The following HLCS variants were observed in gnomAD, a reference collection of about 807,000 sequenced individuals.
HLCS encodes holocarboxylase synthetase, also known as biotin--protein ligase.
HLCS carries 53 observed loss-of-function variants against 75.0 expected under a neutral mutation model. That is an observed-to-expected ratio of 0.71 (90% confidence interval 0.57 to 0.89). The LOEUF (loss-of-function observed/expected upper bound fraction) is 0.89. Ranked by LOEUF, HLCS falls within the 40% of genes least tolerant of loss-of-function variation. HLCS has a pLI of 0.00. For missense variants in HLCS, 966 were observed against 1,074.0 expected (o/e 0.90, Z 1.41); for synonymous variants, 431 against 428.6 (o/e 1.01, Z -0.07).
chr21:36,765,787 A>T (rs2090009535), intron 7 of HLCS, among the ~76,000 whole-genome samples: 1 of 152,112 alleles, frequency 6.6e-6, no homozygotes, highest in African/African-American at 2.4e-5. Flanking sequence ...AACTGGGATT[A>T]AGGTGCCCGC....
At chr21:36,814,025 C>A (rs138198564) in intron 6 of HLCS, among the ~76,000 whole-genome samples, 2,461 of 152,232 alleles carry the variant, frequency 0.016, 33 homozygotes, top group South Asian at 0.046. Context: ...GCCCCCAGTG[C>A]TAGGTCAGTG....
At chr21:36,773,654 T>A (rs1210723453) in intron 6 of HLCS, among the ~76,000 whole-genome samples, 1 of 152,112 alleles carries the variant, frequency 6.6e-6, no homozygotes, top group Non-Finnish European at 1.5e-5. Context: ...TGTTCTTAGC[T>A]TACAGAGAGA....
intron 6 of HLCS, among the ~76,000 whole-genome samples, chr21:36,849,635 G>A (rs539958765): frequency 2.0e-5 from 3 of 152,314 alleles, no homozygotes; most frequent in African/African-American, 4.8e-5. Context: ...GCCAAGTACC[G>A]GGCAGTATCC....
In HLCS at chr21:36,752,341, C is replaced by A. The variant is rs142955652; in HGVS notation, c.*1905G>T. The stretch of plus-strand genomic sequence containing the variant: ...AACATTTTTTCCCAAAGCAGAGTGT[C>A]CAGAATAGGACTTCAGCTTAAAACA... On this transcript the variant is annotated 3_prime_UTR_variant, in exon 11 of 11. Coordinates refer to ENST00000674895, the MANE Select transcript of HLCS (RefSeq NM_001352514.2). 50 of 152,692 alleles carry A rather than the reference C, an allele frequency of 3.3e-4. No individual in the cohort carries two copies. Among genetic ancestry groups the A allele is most frequent in the African/African-American group, 1.1e-3 (47 of 41,556 alleles). The allele number at this position is 152,692 out of a possible 1,614,324, so 9.5% of individuals were successfully genotyped here. A position where few individuals can be genotyped will look rare whatever the true frequency, so the allele number is the denominator to read the frequency against.
At chr21:36,794,505 G>A (rs964060833) in intron 6 of HLCS, among the ~76,000 whole-genome samples, 19 of 152,186 alleles carry the variant, frequency 1.2e-4, no homozygotes, top group Non-Finnish European at 2.6e-4. Flanking sequence ...AAAGGTGACC[G>A]ACGTGGCTGA....
chr21:36,917,985 A>G (rs2066004205), intron 5 of HLCS, among the ~76,000 whole-genome samples: 1 of 152,168 alleles, frequency 6.6e-6, no homozygotes, highest in African/African-American at 2.4e-5. Flanking sequence ...CTCTTTCAAA[A>G]GTAGAAAAAT....
At chr21:36,905,405 A>G (rs1216360811) in intron 5 of HLCS, among the ~76,000 whole-genome samples, 2 of 152,208 alleles carry the variant, frequency 1.3e-5, no homozygotes, top group South Asian at 2.1e-4. Context: ...CATTACAGCT[A>G]GTTCTATTGA....
chr21:36,871,013 G>A (rs751936815), intron 6 of HLCS, among the ~76,000 whole-genome samples: 2 of 152,050 alleles, frequency 1.3e-5, no homozygotes, highest in East Asian at 1.9e-4. Context: ...TAATGCAAAC[G>A]CTGCTAATTA....
At chr21:36,877,962 C>T (rs1241808469) in intron 6 of HLCS, among the ~76,000 whole-genome samples, 1 of 151,994 alleles carries the variant, frequency 6.6e-6, no homozygotes, top group African/African-American at 2.4e-5. Flanking sequence ...ATCATTGTTC[C>T]TCACTGCATG....
chr21:36,972,033 TC>T (rs1194939189), intron 1 of HLCS: 1 of 152,122 alleles, frequency 6.6e-6, no homozygotes, highest in African/African-American at 2.4e-5. Flanking sequence ...CAAGAGGGCA[TC>T]AATACAAAGA....
intron 6 of HLCS, among the ~76,000 whole-genome samples, chr21:36,875,682 T>G (rs186467917): frequency 6.8e-4 from 103 of 152,316 alleles, no homozygotes; most frequent in African/African-American, 1.9e-3. Context: ...TCAATGAAGC[T>G]TCTCTCTGCC....
At chr21:36,928,724 G>A (rs1262267423) in intron 5 of HLCS, among the ~76,000 whole-genome samples, 1 of 152,140 alleles carries the variant, frequency 6.6e-6, no homozygotes, top group Non-Finnish European at 1.5e-5. Flanking sequence ...AAATCAACAA[G>A]GCCAAGTGGA....
chr21:36,921,886 C>T (rs890392378), intron 5 of HLCS, among the ~76,000 whole-genome samples: 8 of 152,208 alleles, frequency 5.3e-5, no homozygotes, highest in African/African-American at 1.9e-4. Context: ...TACTCTAAGT[C>T]TTCTCTCACT....
chr21:36,881,289 C>T (rs978429873), intron 6 of HLCS, among the ~76,000 whole-genome samples: 1 of 152,110 alleles, frequency 6.6e-6, no homozygotes. Flanking sequence ...TTTTTCTTCT[C>T]GGATATCACT....
chr21:36,838,717 A>C (rs1313532359), intron 6 of HLCS, among the ~76,000 whole-genome samples: 2 of 151,818 alleles, frequency 1.3e-5, no homozygotes, highest in Non-Finnish European at 2.9e-5. Context: ...AGAAAAAAAA[A>C]AAAAAAGAGA....
At chr21:36,988,867 A>G (rs1319342217) in intron 1 of HLCS, among the ~76,000 whole-genome samples, 1 of 151,964 alleles carries the variant, frequency 6.6e-6, no homozygotes, top group East Asian at 1.9e-4. Flanking sequence ...TTTTTTGCCT[A>G]TTTGGTCTTT....
Position 36,749,929 on chromosome 21 carries a change from A to G in HLCS, c.*4317T>C, listed in dbSNP as rs1174467238. On this transcript the variant is annotated 3_prime_UTR_variant, in exon 11 of 11. Coordinates refer to ENST00000674895, the MANE Select transcript of HLCS (RefSeq NM_001352514.2). ...CATAGATTTACAAGTGACAACGTGG[A>G]CAGGCGTAACAGAGTGTGTATGTAC... is the stretch of plus-strand genomic sequence containing the variant. The G allele has an allele frequency of 6.6e-6, 1 of 152,250 alleles. No homozygotes were observed. The highest frequency in any genetic ancestry group is 2.4e-5 in the African/African-American group (1 of 41,462). 9.4% of individuals were successfully genotyped at this position (152,250 alleles called of 1,614,324 possible).
At chr21:36,827,209 A>G (rs2062034766) in intron 6 of HLCS, among the ~76,000 whole-genome samples, 1 of 152,178 alleles carries the variant, frequency 6.6e-6, no homozygotes, top group East Asian at 1.9e-4. Context: ...GTGTAAAGTT[A>G]AAGAAAAGGA....
At chr21:36,955,922 C>G (rs201693734) in intron 2 of HLCS, among the ~76,000 whole-genome samples, 1 of 152,148 alleles carries the variant, frequency 6.6e-6, no homozygotes, top group East Asian at 1.9e-4. Context: ...TTACAGCTGC[C>G]TACAGTATCC....
Sources: allele counts gnomAD v4.1 joint callset (sites outside exome capture counted in the v4.1 genomes callset), GRCh38; gene constraint gnomAD v4.1.1; transcripts MANE v1.5; gene names NCBI Gene and HGNC (gene_info 2026-07-23, HGNC 2026-07-21).